Variants in ELOVL6 observed in about 807,000 individuals in gnomAD.
ELOVL6 encodes the protein ELOVL fatty acid elongase 6.
In ELOVL6, 8 loss-of-function variants were observed where a neutral mutation model predicts 31.7. The observed-to-expected ratio is 0.25, with a 90% CI of 0.15 to 0.45. ELOVL6 has a LOEUF of 0.45. ELOVL6 is among the 20% of genes least tolerant of loss of function. The pLI, the probability that ELOVL6 is intolerant of heterozygous loss-of-function variation, is 1.00. For synonymous variants in ELOVL6, 101 were observed against 117.7 expected, an observed-to-expected ratio of 0.86 and a Z score of 0.92; for missense variants, 126 against 326.4, an observed-to-expected ratio of 0.39 and a Z score of 4.73.
intron 2 of ELOVL6, among the ~76,000 whole-genome samples, chr4:110,079,661 A>C (rs1214441472): frequency 2.0e-5 from 3 of 152,212 alleles, no homozygotes; most frequent in Admixed American, 6.5e-5. Context: ...TGACACCCTA[A>C]CATCACAATT....
chr4:110,127,092 T>C (rs1354457134), intron 1 of ELOVL6, among the ~76,000 whole-genome samples: 3 of 151,938 alleles, frequency 2.0e-5, no homozygotes, highest in African/African-American at 7.3e-5. Context: ...ATATGTACCG[T>C]TGTTGCCACA....
chr4:110,071,716 C>T (rs541284458), intron 2 of ELOVL6, among the ~76,000 whole-genome samples: 17 of 152,178 alleles, frequency 1.1e-4, no homozygotes, highest in Non-Finnish European at 2.4e-4. Context: ...TGCCAGGCGT[C>T]TAAGCACCAC....
rs1374206735 is a variant in ELOVL6, at chr4:110,046,205, T to C, written c.*5133A>G. On this transcript the variant is annotated 3_prime_UTR_variant, in exon 4 of 4. Coordinates refer to ENST00000302274, the MANE Select transcript of ELOVL6 (RefSeq NM_024090.3). ...CAAGTGCTACTAAGCATTGGGAAAG[T>C]AACAGCATTTAAATACCAATGTCGA... The C allele has an allele frequency of 6.6e-6, 1 of 152,198 alleles. No homozygotes were observed. The highest frequency in any genetic ancestry group is 1.5e-5 in the Non-Finnish European group (1 of 68,032). 9.4% of individuals were successfully genotyped at this position (152,198 alleles called of 1,614,324 possible).
At position 110,050,798 on chromosome 4, in the gene ELOVL6, A is replaced by G. The variant is rs1220397025; in HGVS notation, c.*540T>C. 6.5e-6 allele frequency: 1 copy of G among 154,670 alleles called. No individual in the cohort carries two copies. Among genetic ancestry groups the G allele is most frequent in the Non-Finnish European group, 1.4e-5 (1 of 69,524 alleles). 9.6% of individuals were successfully genotyped at this position (154,670 alleles called of 1,614,324 possible). A position where few individuals can be genotyped will look rare whatever the true frequency, so the allele number is the denominator to read the frequency against. ...TCTCATGGGGTCTACAGCAGCTGGCATTTCTTAAAAAGGCTTTAGTTTCTG... is the reference window on the plus strand; with the variant it reads ...TCTCATGGGGTCTACAGCAGCTGGCGTTTCTTAAAAAGGCTTTAGTTTCTG... On this transcript the variant is annotated 3_prime_UTR_variant, in exon 4 of 4. Coordinates refer to ENST00000302274, the MANE Select transcript of ELOVL6 (RefSeq NM_024090.3).
chr4:110,058,289 A>C (rs1053126932), intron 3 of ELOVL6, among the ~76,000 whole-genome samples: 1 of 136,604 alleles, frequency 7.3e-6, no homozygotes, highest in African/African-American at 2.6e-5. Flanking sequence ...TGTCTGTTGG[A>C]GGGGGGGAGC....
At chr4:110,190,694 AG>A (rs1157538506) in intron 1 of ELOVL6, among the ~76,000 whole-genome samples, 2 of 151,890 alleles carry the variant, frequency 1.3e-5, no homozygotes, top group Non-Finnish European at 2.9e-5. Context: ...TAGTAGAAAT[AG>A]GGTTTCACCA....
chr4:110,061,682 A>C (rs1345050691), intron 2 of ELOVL6, among the ~76,000 whole-genome samples: 1 of 149,530 alleles, frequency 6.7e-6, no homozygotes, highest in Non-Finnish European at 1.5e-5. Flanking sequence ...TCAGCCTCCC[A>C]AGTAGCTGGG....
intron 1 of ELOVL6, among the ~76,000 whole-genome samples, chr4:110,166,785 T>C: frequency 6.6e-6 from 1 of 152,272 alleles, no homozygotes; most frequent in East Asian, 1.9e-4. Flanking sequence ...TCAACCCAAC[T>C]ATTAGCTCTC....
Position 110,160,556 on chromosome 4 carries a change from T to G in ELOVL6, c.89+37691A>C, listed in dbSNP as rs147371477. ...TGCATAGGCGTGCTAGTTTACAAGC[T>G]TCCATCAACACCAGTCTCATGGTGG... On this transcript the variant is annotated intron_variant, in intron 1 of 3. Transcript: ENST00000302274. Among the ~76,000 whole-genome samples the G allele has an allele frequency of 6.8e-3, 1,035 of 152,352 alleles. 20 individuals are homozygous for G. Among genetic ancestry groups the G allele is most frequent in the African/African-American group, 0.023 (958 of 41,582 alleles).
chr4:110,095,495 A>G (rs1273756686), intron 2 of ELOVL6, among the ~76,000 whole-genome samples: 1 of 151,848 alleles, frequency 6.6e-6, no homozygotes, highest in Non-Finnish European at 1.5e-5. Context: ...AAAAAAAAAA[A>G]AAAGGCATGA....
chr4:110,097,218 T>C (rs1756605409), intron 2 of ELOVL6, among the ~76,000 whole-genome samples: 1 of 149,288 alleles, frequency 6.7e-6, no homozygotes, highest in South Asian at 2.1e-4. Flanking sequence ...AGGCAGAGAA[T>C]TGCTTGAATC....
chr4:110,178,520 G>A (rs567543838), intron 1 of ELOVL6, among the ~76,000 whole-genome samples: 4 of 151,238 alleles, frequency 2.6e-5, no homozygotes, highest in Non-Finnish European at 5.9e-5. Context: ...GCCACTGCAC[G>A]CCAGCCTGAG....
chr4:110,092,694 A>C (rs1756458519), intron 2 of ELOVL6, among the ~76,000 whole-genome samples: 4 of 152,224 alleles, frequency 2.6e-5, no homozygotes, highest in Admixed American at 2.0e-4. Context: ...GGACGTCAGC[A>C]TCATTTGAAG....
chr4:110,115,870 T>C (rs553882735), intron 1 of ELOVL6, among the ~76,000 whole-genome samples: 14 of 152,338 alleles, frequency 9.2e-5, no homozygotes, highest in South Asian at 2.1e-4. Context: ...GAAGGCTCTA[T>C]GGCAGAATCC....
At chr4:110,176,656 G>A (rs902919651) in intron 1 of ELOVL6, among the ~76,000 whole-genome samples, 5 of 152,214 alleles carry the variant, frequency 3.3e-5, no homozygotes, top group Non-Finnish European at 5.9e-5. Flanking sequence ...CCGATATTGT[G>A]TGGAGGGCAA....
chr4:110,061,549 C>CTTTTTTT (rs57846282), intron 2 of ELOVL6, among the ~76,000 whole-genome samples: 1,304 of 72,292 alleles, frequency 0.018, 196 homozygotes, highest in Non-Finnish European at 0.021. Flanking sequence ...CAAATGATGG[C>CTTTTTTT]TTTTTTTTTT....
chr4:110,139,731 C>A (rs1045662672), intron 1 of ELOVL6, among the ~76,000 whole-genome samples: 1 of 152,152 alleles, frequency 6.6e-6, no homozygotes, highest in Non-Finnish European at 1.5e-5. Context: ...TTTCCCAAGT[C>A]CACTTCAGCC....
At chr4:110,159,737 A>G (rs1162527307) in intron 1 of ELOVL6, among the ~76,000 whole-genome samples, 1 of 152,166 alleles carries the variant, frequency 6.6e-6, no homozygotes, top group Non-Finnish European at 1.5e-5. Flanking sequence ...TCACCCTGCA[A>G]AAGGATTCCA....
chr4:110,189,128 A>C (rs1339158504), intron 1 of ELOVL6, among the ~76,000 whole-genome samples: 1 of 151,596 alleles, frequency 6.6e-6, no homozygotes, highest in Non-Finnish European at 1.5e-5. Context: ...TACAATAAAA[A>C]AATTAGTTGG....
Sources: allele counts gnomAD v4.1 joint callset (sites outside exome capture counted in the v4.1 genomes callset), GRCh38; gene constraint gnomAD v4.1.1; transcripts MANE v1.5; gene names NCBI Gene and HGNC (gene_info 2026-07-23, HGNC 2026-07-21).